Variants in CPLANE1 observed in about 807,000 individuals in gnomAD.
The protein encoded by CPLANE1 is ciliogenesis and planar polarity effector 1.
A neutral mutation model predicts 362.5 loss-of-function variants in CPLANE1; 263 were observed. The observed-to-expected ratio is 0.73, with a 90% CI of 0.66 to 0.80. The LOEUF (loss-of-function observed/expected upper bound fraction) is 0.80, where lower values mean the gene tolerates loss of function less well. CPLANE1 is among the 30% of genes least tolerant of loss of function. The pLI is 0.00. For missense variants in CPLANE1, 3,461 were observed against 3,793.4 expected (o/e 0.91, Z 2.30); for synonymous variants, 1,212 against 1,302.6 (o/e 0.93, Z 1.50).
At chr5:37,193,704 TAACA>T (rs914560284) in intron 21 of CPLANE1, among the ~76,000 whole-genome samples, 8 of 152,212 alleles carry the variant, frequency 5.3e-5, no homozygotes, top group African/African-American at 1.9e-4. Context: ...CTATTTTAGG[TAACA>T]AACTAGGGAA....
At chr5:37,146,998 T>C (rs890099790) in intron 43 of CPLANE1, among the ~76,000 whole-genome samples, 1 of 152,168 alleles carries the variant, frequency 6.6e-6, no homozygotes, top group Non-Finnish European at 1.5e-5. Context: ...TATATTCACC[T>C]TATAGCCTTA....
chr5:37,144,617 C>A (rs9292649), intron 43 of CPLANE1, among the ~76,000 whole-genome samples: 22,463 of 149,210 alleles, frequency 0.15, 1,937 homozygotes, highest in African/African-American at 0.24. Context: ...TTTGGGAGGC[C>A]GAGGCAGGCG....
chr5:37,184,640 TTA>T, intron 25 of CPLANE1, 146 bp downstream of exon 25: 1 of 612,100 alleles, frequency 1.6e-6, no homozygotes, highest in Non-Finnish European at 2.8e-6. Context: ...CCTAATATTC[TTA>T]TGAGTGGAGG....
chr5:37,230,970 A>G lies in CPLANE1; in HGVS notation c.1018T>C (p.Leu340=). The G allele has an allele frequency of 6.4e-7, 1 of 1,551,280 alleles. No individual in the cohort carries two copies. Among genetic ancestry groups the G allele is most frequent in the Non-Finnish European group, 8.7e-7 (1 of 1,146,718 alleles). The change falls in exon 9 of 53, where the codon TTA becomes CTA. Residue 340 remains leucine (L), a synonymous_variant. Coordinates refer to ENST00000651892, the MANE Select transcript of CPLANE1 (RefSeq NM_001384732.1). ...AGCAATTCACCTTGGCAGGTCAATA[A>G]AACCAGAGAGCCACGTTTTAACATA... The part of the protein sequence containing the change: ...ACMLKRGSLV[L]LTCQGELLTL...
At chr5:37,158,163 A>G in intron 39 of CPLANE1, 61 bp downstream of exon 39, 1 of 1,550,760 alleles carries the variant, frequency 6.4e-7, no homozygotes, top group Non-Finnish European at 8.9e-7. Context: ...AATAATGTCT[A>G]CATGACCATA....
chr5:37,085,862 T>C, the CPLANE1 span: 2 of 1,075,458 alleles, frequency 1.9e-6, no homozygotes, highest in East Asian at 4.7e-5. Flanking sequence ...AAATGGTCCC[T>C]GGGTGACGTG....
intron 16 of CPLANE1, among the ~76,000 whole-genome samples, chr5:37,208,358 T>A (rs1020119819): frequency 3.9e-5 from 6 of 152,250 alleles, no homozygotes; most frequent in African/African-American, 1.4e-4. Context: ...TGCCTTGATG[T>A]ATCCAACTCT....
the CPLANE1 span, among the ~76,000 whole-genome samples, chr5:37,093,100 T>C: frequency 6.6e-6 from 1 of 152,174 alleles, no homozygotes; most frequent in African/African-American, 2.4e-5. Flanking sequence ...CACAAAAGAT[T>C]CATAGTTACA....
chr5:37,238,134 A>G (rs567075120), intron 8 of CPLANE1, among the ~76,000 whole-genome samples: 1 of 152,262 alleles, frequency 6.6e-6, no homozygotes, highest in South Asian at 2.1e-4. Context: ...AGCTATGATC[A>G]CACCACTACA....
chr5:37,158,175 T>C (rs1461858099), intron 39 of CPLANE1, 49 bp downstream of exon 39: 8 of 1,586,264 alleles, frequency 5.0e-6, no homozygotes, highest in Non-Finnish European at 6.9e-6. Context: ...ATGACCATAA[T>C]ACATTTTAGC....
chr5:37,114,016 T>C (rs1760150146), intron 51 of CPLANE1, among the ~76,000 whole-genome samples: 1 of 152,186 alleles, frequency 6.6e-6, no homozygotes, highest in Non-Finnish European at 1.5e-5. Flanking sequence ...TTTCACCGTG[T>C]TGGCCAGGAT....
chr5:37,204,593 A>G (rs770710402), intron 18 of CPLANE1, among the ~76,000 whole-genome samples: 10 of 152,170 alleles, frequency 6.6e-5, no homozygotes, highest in Non-Finnish European at 1.0e-4. Context: ...GAGATTCTAC[A>G]GCTCCAAAAG....
intron 35 of CPLANE1, among the ~76,000 whole-genome samples, chr5:37,166,630 T>C (rs749067980): frequency 1.3e-5 from 2 of 152,184 alleles, no homozygotes; most frequent in African/African-American, 2.4e-5. Context: ...CATGCATATA[T>C]AGAAAAAAAC....
intron 32 of CPLANE1, among the ~76,000 whole-genome samples, chr5:37,173,278 T>TA (rs1780286048): frequency 1.3e-5 from 2 of 152,268 alleles, no homozygotes; most frequent in Non-Finnish European, 2.9e-5. Context: ...AAATATGTGA[T>TA]AGTGTCAGCT....
intron 13 of CPLANE1, 32 bp from the exon 14 acceptor site, chr5:37,224,365 G>C: frequency 7.0e-7 from 1 of 1,432,644 alleles, no homozygotes; most frequent in Non-Finnish European, 9.5e-7. Flanking sequence ...ATTAGTCATA[G>C]TTAATTATAT....
At chr5:37,189,724 C>T (rs1017292396) in intron 21 of CPLANE1, among the ~76,000 whole-genome samples, 2 of 152,126 alleles carry the variant, frequency 1.3e-5, no homozygotes, top group Non-Finnish European at 2.9e-5. Flanking sequence ...TGCAGCCGGG[C>T]ACAGTGGCTC....
In CPLANE1 at chr5:37,244,378, A is replaced by C. The variant is rs1334523885; in HGVS notation, c.567T>G (p.Asn189Lys). ...AAGAGTCTGAGACTGATTTTACCTC[A>C]TTTTTTATAAAAACAGCATTCACTA... Reference protein sequence around the residue: ...EAVVNAVFIKNELFGDCCLCS... With the variant: ...EAVVNAVFIKKELFGDCCLCS... The change falls in exon 5 of 53, where the codon AAT (asparagine) becomes AAG (lysine). Residue 189 changes from asparagine to lysine, a missense_variant. By Grantham distance (94) the Asn-to-Lys change is moderately conservative (BLOSUM62 0). Transcript: ENST00000651892. 6.5e-7 allele frequency: 1 copy of C among 1,546,764 alleles called. No individual in the cohort carries two copies. Among genetic ancestry groups the C allele is most frequent in the African/African-American group, 1.4e-5 (1 of 72,598 alleles).
downstream of CPLANE1, among the ~76,000 whole-genome samples, chr5:37,105,741 G>A (rs1168926316): frequency 1.3e-5 from 2 of 152,052 alleles, no homozygotes; most frequent in Non-Finnish European, 2.9e-5. Flanking sequence ...CTAAAGAATG[G>A]GAGAAAATAT....
At chr5:37,175,835 A>C in intron 31 of CPLANE1, 74 bp downstream of exon 31, 1 of 980,736 alleles carries the variant, frequency 1.0e-6, no homozygotes. Flanking sequence ...AAAATGGTAC[A>C]GTCGGCATAC....
Sources: gnomAD v4.1 joint callset for allele counts (sites outside exome capture counted in the v4.1 genomes callset) on GRCh38, gnomAD v4.1.1 for gene constraint, MANE v1.5 for transcripts, NCBI Gene and HGNC (gene_info 2026-07-23, HGNC 2026-07-21) for gene names.